The following NXPE1 variants were observed in gnomAD, a reference collection of about 807,000 sequenced individuals.
The protein encoded by NXPE1 is neurexophilin and PC-esterase domain family member 1.
In NXPE1, 31 loss-of-function variants were observed where a neutral mutation model predicts 33.3. That is an observed-to-expected ratio of 0.93 (90% CI 0.70 to 1.26). The LOEUF (loss-of-function observed/expected upper bound fraction) is 1.26. Ranked by LOEUF, NXPE1 falls within the 50% of genes most tolerant of loss-of-function variation. The probability of loss-of-function intolerance (pLI) is 0.00; values close to 1 mark genes in which losing one functional copy is unlikely to be tolerated. For missense variants in NXPE1, 661 were observed against 655.6 expected (o/e 1.01, Z -0.09); for synonymous variants, 229 against 231.4 (o/e 0.99, Z 0.09).
rs577110467 is a variant in NXPE1, at chr11:114,542,572, T to A, written c.99+8531A>T. ...CAACTATAAAAAATTGGTGGGGGAG[T>A]GGGGAGAGCTATGAAAAGCAGAATT... On this transcript the variant is annotated intron_variant, in intron 5 of 8. Coordinates refer to ENST00000534921, the Ensembl canonical transcript of NXPE1. Among the ~76,000 whole-genome samples the A allele has an allele frequency of 8.6e-5, 13 of 151,720 alleles. No individual in the cohort carries two copies. In the South Asian group the frequency reaches 2.7e-3, roughly 32 times the overall value.
Position 114,533,780 on chromosome 11 carries a change from C to T in NXPE1, c.100-2872G>A, listed in dbSNP as rs541975005. Among the ~76,000 whole-genome samples the T allele has an allele frequency of 5.9e-5, 9 of 152,330 alleles. No homozygotes were observed. The Middle Eastern group carries it at 0.014, about 230-fold the overall frequency. On this transcript the variant is annotated intron_variant, in intron 5 of 8. Coordinates refer to ENST00000534921, the Ensembl canonical transcript of NXPE1. ...CTCAGGCTTGAGTAGGTAAACAAAG[C>T]GGCCGGGAAGCTCAAACTGGGTGGA... is the stretch of plus-strand genomic sequence containing the variant.
At chr11:114,557,084 G>T (rs1182957703) in intron 1 of NXPE1, among the ~76,000 whole-genome samples, 4 of 151,820 alleles carry the variant, frequency 2.6e-5, no homozygotes, top group African/African-American at 9.7e-5. Flanking sequence ...AGTAGAGACG[G>T]GGTTTCACCA....
intron 7 of NXPE1, among the ~76,000 whole-genome samples, chr11:114,524,329 G>C (rs888191494): frequency 6.6e-6 from 1 of 152,188 alleles, no homozygotes; most frequent in Non-Finnish European, 1.5e-5. Flanking sequence ...ACCATCAGCA[G>C]TTTCTGCTTT....
chr11:114,525,771 T>A (rs1460374101), intron 7 of NXPE1, among the ~76,000 whole-genome samples: 2 of 152,176 alleles, frequency 1.3e-5, no homozygotes, highest in Non-Finnish European at 2.9e-5. Flanking sequence ...CACCATTTAG[T>A]GAAGTGTATA....
intron 5 of NXPE1, among the ~76,000 whole-genome samples, chr11:114,531,909 C>T (rs1455285422): frequency 6.6e-6 from 1 of 152,150 alleles, no homozygotes; most frequent in Non-Finnish European, 1.5e-5. Context: ...GTCAGAAACA[C>T]CGGCCAAGCT....
intron 5 of NXPE1, among the ~76,000 whole-genome samples, chr11:114,544,906 T>C (rs1948221526): frequency 6.6e-6 from 1 of 152,200 alleles, no homozygotes; most frequent in African/African-American, 2.4e-5. Context: ...GTGCAAAAGA[T>C]CTGAATGGAC....
chr11:114,524,105 T>C (rs1276391133), intron 7 of NXPE1, among the ~76,000 whole-genome samples: 1 of 152,212 alleles, frequency 6.6e-6, no homozygotes, highest in African/African-American at 2.4e-5. Flanking sequence ...CTTGCTGTTC[T>C]CACATTATAT....
intron 5 of NXPE1, among the ~76,000 whole-genome samples, chr11:114,539,786 A>G (rs1183617506): frequency 6.6e-6 from 1 of 152,172 alleles, no homozygotes; most frequent in Non-Finnish European, 1.5e-5. Flanking sequence ...ACCAATCAAA[A>G]GAAGTAGATA....
At chr11:114,535,048 A>G (rs1005554948) in intron 5 of NXPE1, among the ~76,000 whole-genome samples, 3 of 152,340 alleles carry the variant, frequency 2.0e-5, no homozygotes, top group Non-Finnish European at 4.4e-5. Context: ...CGGGTTACCC[A>G]CAAAGGGAAG....
chr11:114,531,241 A>G (rs572105304), intron 5 of NXPE1, among the ~76,000 whole-genome samples: 2 of 152,316 alleles, frequency 1.3e-5, no homozygotes, highest in South Asian at 4.1e-4. Context: ...TCCAAAATAT[A>G]TAGCTCAGAG....
intron 6 of NXPE1, chr11:114,529,306 T>G (rs571197131): frequency 6.5e-6 from 1 of 152,922 alleles, no homozygotes; most frequent in Non-Finnish European, 1.5e-5. Context: ...CTGGAACTGA[T>G]AGAAGTCTTA....
chr11:114,521,678 G>T, exon 9 of NXPE1: 1 of 313,192 alleles, frequency 3.2e-6, no homozygotes, highest in Non-Finnish European at 5.9e-6. Context: ...AAAGCATCAT[G>T]AATTTGTACA....
chr11:114,551,469 A>G (rs1022792513), intron 3 of NXPE1, 28 bp from the exon 4 acceptor site: 2 of 1,171,512 alleles, frequency 1.7e-6, no homozygotes, highest in Admixed American at 4.3e-5. Context: ...GTCACCTTAT[A>G]GGTTCTCTTA....
At chr11:114,527,040 C>T (rs564307326) in intron 7 of NXPE1, 5 of 152,322 alleles carry the variant, frequency 3.3e-5, no homozygotes, top group African/African-American at 1.2e-4. Flanking sequence ...GATTGAATGT[C>T]TTTCACATTG....
In NXPE1 at chr11:114,527,905, CA is replaced by C. The variant is rs35058533; in HGVS notation, c.834-5del. 242,605 of 1,472,248 alleles carry C rather than the reference CA, an allele frequency of 0.16. 21,969 individuals carry two copies. Among genetic ancestry groups the C allele is most frequent in the African/African-American group, 0.46 (32,678 of 71,412 alleles). The allele number at this position is 1,472,248 out of a possible 1,614,324, so 91.2% of individuals were successfully genotyped here. On this transcript the variant is annotated splice_region_variant and splice_polypyrimidine_tract_variant and intron_variant, in intron 6 of 8. Coordinates refer to ENST00000534921, the Ensembl canonical transcript of NXPE1. The stretch of plus-strand genomic sequence containing the variant: ...CATTTCAACTCCCACTTTGGACCTT[CA>C]AAAAAAAAATAGAACAATAAATTAG...
intron 5 of NXPE1, among the ~76,000 whole-genome samples, chr11:114,532,723 G>A (rs1429784834): frequency 6.6e-6 from 1 of 152,078 alleles, no homozygotes; most frequent in Non-Finnish European, 1.5e-5. Flanking sequence ...GTGTGTATGT[G>A]CATATATGCA....
intron 1 of NXPE1, among the ~76,000 whole-genome samples, chr11:114,558,870 A>G (rs1160015103): frequency 6.6e-6 from 1 of 152,208 alleles, no homozygotes; most frequent in Non-Finnish European, 1.5e-5. Context: ...AAAGAATCAC[A>G]TACAAAGTTT....
intron 5 of NXPE1, among the ~76,000 whole-genome samples, chr11:114,540,173 C>G (rs1264719808): frequency 6.6e-6 from 1 of 152,062 alleles, no homozygotes; most frequent in African/African-American, 2.4e-5. Context: ...GCCAGGCTGG[C>G]CTCAAACTCC....
chr11:114,540,534 A>G (rs1194920236), intron 5 of NXPE1, among the ~76,000 whole-genome samples: 1 of 152,208 alleles, frequency 6.6e-6, no homozygotes, highest in Admixed American at 6.5e-5. Flanking sequence ...ATGGGTGCGT[A>G]TGGGAAAAGA....
Sources: allele counts gnomAD v4.1 joint callset (sites outside exome capture counted in the v4.1 genomes callset), GRCh38; gene constraint gnomAD v4.1.1; transcripts MANE v1.5; gene names NCBI Gene and HGNC (gene_info 2026-07-23, HGNC 2026-07-21).